GRAMD1B: variants seen among roughly 807,000 people sequenced by gnomAD.
GRAMD1B encodes GRAM domain containing 1B.
In GRAMD1B, 37 loss-of-function variants were observed where a neutral mutation model predicts 99.7. The ratio of observed to expected loss-of-function variants is 0.37; its 90% CI spans 0.29 to 0.49. The LOEUF (loss-of-function observed/expected upper bound fraction) is 0.49, where lower values mean the gene tolerates loss of function less well. Among genes scored for constraint, GRAMD1B ranks in the 20% least tolerant of loss-of-function variants. The probability of loss-of-function intolerance (pLI) is 0.98; values close to 1 mark genes in which losing one functional copy is unlikely to be tolerated. For synonymous variants in GRAMD1B, 427 were observed against 387.6 expected (o/e 1.10, Z -1.19); for missense variants, 888 against 1,009.2 (o/e 0.88, Z 1.63).
At chr11:123,580,690 T>C (rs530900967) in intron 3 of GRAMD1B, among the ~76,000 whole-genome samples, 8 of 152,264 alleles carry the variant, frequency 5.3e-5, no homozygotes, top group South Asian at 2.1e-4. Context: ...TCCCTCCCAA[T>C]GAGTTTGTGC....
chr11:123,468,365 T>C (rs1950810773), intron 1 of GRAMD1B, among the ~76,000 whole-genome samples: 4 of 152,206 alleles, frequency 2.6e-5, no homozygotes, highest in Admixed American at 2.6e-4. Context: ...ACACCTAATA[T>C]GTGCTAGGCA....
chr11:123,566,897 C>T (rs957382974), intron 2 of GRAMD1B, among the ~76,000 whole-genome samples: 1 of 152,190 alleles, frequency 6.6e-6, no homozygotes, highest in Non-Finnish European at 1.5e-5. Flanking sequence ...GCCCCAGCCC[C>T]CATGGAGTGC....
At chr11:123,588,681 G>A (rs1305283691) in intron 4 of GRAMD1B, among the ~76,000 whole-genome samples, 1 of 152,196 alleles carries the variant, frequency 6.6e-6, no homozygotes, top group African/African-American at 2.4e-5. Flanking sequence ...CGTGTGCTGG[G>A]GAGAGTGTTG....
At chr11:123,569,128 CT>C (rs34056460) in intron 2 of GRAMD1B, among the ~76,000 whole-genome samples, 146,366 of 152,198 alleles carry the variant, frequency 0.96, 70,437 homozygotes, top group East Asian at 1. Context: ...CTCTCTGGAC[CT>C]TTTTATATTC....
At chr11:123,393,407 C>G (rs76448531) in intron 1 of GRAMD1B, among the ~76,000 whole-genome samples, 2,000 of 152,270 alleles carry the variant, frequency 0.013, 17 homozygotes, top group Non-Finnish European at 0.021. Context: ...TTGGGAGAAG[C>G]CTGACAGGGT....
At chr11:123,568,084 A>C (rs1398480679) in intron 2 of GRAMD1B, among the ~76,000 whole-genome samples, 2 of 152,026 alleles carry the variant, frequency 1.3e-5, no homozygotes, top group East Asian at 3.9e-4. Context: ...CCCATCTTTA[A>C]ATTTCTTTGT....
intron 2 of GRAMD1B, among the ~76,000 whole-genome samples, chr11:123,536,435 A>G (rs1488919337): frequency 6.6e-6 from 1 of 152,198 alleles, no homozygotes; most frequent in African/African-American, 2.4e-5. Context: ...TAAATAAATG[A>G]AAAATAAAAT....
intron 2 of GRAMD1B, among the ~76,000 whole-genome samples, chr11:123,544,295 A>G (rs923754451): frequency 1.3e-4 from 20 of 152,296 alleles, no homozygotes; most frequent in African/African-American, 4.6e-4. Flanking sequence ...GAAGTTAGGA[A>G]AGGTACCCAA....
rs1242238828 is a variant in GRAMD1B, at chr11:123,622,863, C to T, written c.*268C>T. On this transcript the variant is annotated 3_prime_UTR_variant, in exon 20 of 20. Coordinates refer to ENST00000635736, the MANE Select transcript of GRAMD1B (RefSeq NM_001387025.1). ...CCGACCTCCCCTGATCTCCCTCCTC[C>T]CACCCTCTGTTCCCCACCCCTTCCC... 1 of 158,094 alleles carries T rather than the reference C, an allele frequency of 6.3e-6. No homozygotes were observed. The allele number at this position is 158,094 out of a possible 1,614,324, so 9.8% of individuals were successfully genotyped here. A position where few individuals can be genotyped will look rare whatever the true frequency, so the allele number is the denominator to read the frequency against.
intron 2 of GRAMD1B, among the ~76,000 whole-genome samples, chr11:123,548,291 A>AT (rs1945216068): frequency 1.3e-5 from 1 of 75,154 alleles, no homozygotes; most frequent in African/African-American, 5.4e-5. Flanking sequence ...GCTGTGCCAA[A>AT]ATATATATAT....
At chr11:123,419,171 G>C (rs529089021) in intron 1 of GRAMD1B, among the ~76,000 whole-genome samples, 59 of 152,318 alleles carry the variant, frequency 3.9e-4, no homozygotes, top group South Asian at 8.3e-4. Context: ...AGCAGACAGA[G>C]ACTTGCTACA....
Position 123,620,472 on chromosome 11 carries a change from CAAAAAAAA to C in GRAMD1B, c.2544+1265_2544+1272del, listed in dbSNP as rs55787871. 1.4e-4 allele frequency among the ~76,000 whole-genome samples: 10 copies of C among 69,242 alleles called. No homozygotes were observed. In the East Asian group the frequency reaches 1.8e-3, roughly 13 times the overall value. The allele number at this position is 69,242 out of a possible 152,430, so 45.4% of individuals were successfully genotyped here. A position where few individuals can be genotyped will look rare whatever the true frequency, so the allele number is the denominator to read the frequency against. On this transcript the variant is annotated intron_variant, in intron 19 of 19. Coordinates refer to ENST00000635736, the MANE Select transcript of GRAMD1B (RefSeq NM_001387025.1). ...CTGGCAACAGAGTGAGACTTCATCT[CAAAAAAAA>C]AAAAAAAAAAAAAAAAGGGAAAAGA...
chr11:123,469,128 G>T (rs1199263274), intron 1 of GRAMD1B, among the ~76,000 whole-genome samples: 1 of 152,022 alleles, frequency 6.6e-6, no homozygotes, highest in Non-Finnish European at 1.5e-5. Flanking sequence ...GCAGAGGCAA[G>T]TAGAAGGGCT....
intron 1 of GRAMD1B, chr11:123,458,261 ACT>A (rs1199624877): frequency 6.6e-6 from 1 of 152,164 alleles, no homozygotes; most frequent in Non-Finnish European, 1.5e-5. Flanking sequence ...TGATGTTGTA[ACT>A]CTCGGTTTGA....
intron 2 of GRAMD1B, among the ~76,000 whole-genome samples, chr11:123,518,553 G>A (rs1263539414): frequency 6.6e-6 from 1 of 152,098 alleles, no homozygotes. Context: ...TCTCAGATAC[G>A]GTGTTTTTAC....
At chr11:123,374,996 A>G (rs1488579486) in intron 1 of GRAMD1B, among the ~76,000 whole-genome samples, 3 of 152,186 alleles carry the variant, frequency 2.0e-5, no homozygotes, top group Admixed American at 2.0e-4. Flanking sequence ...GTCACTAACA[A>G]TCTTTTACTT....
chr11:123,512,913 G>A (rs1021389707), intron 2 of GRAMD1B, among the ~76,000 whole-genome samples: 8 of 151,820 alleles, frequency 5.3e-5, no homozygotes, highest in African/African-American at 1.9e-4. Flanking sequence ...AGCTCCCCAG[G>A]AGGCTTATTA....
chr11:123,475,538 C>T (rs1264054017), intron 1 of GRAMD1B, among the ~76,000 whole-genome samples: 2 of 152,206 alleles, frequency 1.3e-5, no homozygotes, highest in Admixed American at 1.3e-4. Flanking sequence ...TTAAAGTCAT[C>T]CTAGTTCCAT....
At position 123,600,538 on chromosome 11, in the gene GRAMD1B, T is replaced by C; in HGVS notation, c.1040T>C (p.Leu347Pro). The change falls in exon 8 of 20, where the codon CTC (leucine) becomes CCC (proline). Residue 347 changes from leucine (L) to proline (P), a missense_variant. This residue lies in a region of GRAMD1B where 269 missense variants were observed against 296.6 expected (regional missense o/e 0.91). Coordinates refer to ENST00000635736, the MANE Select transcript of GRAMD1B (RefSeq NM_001387025.1). ...MMMFRLWQNA[L>P]LEKPLCPKEL... is the part of the protein sequence containing the mutation. The stretch of plus-strand genomic sequence containing the variant: ...ATGTTCCGGCTCTGGCAGAATGCTC[T>C]CCTTGAAAAGGTAAGTACGGCCGAG... 6.2e-7 allele frequency: 1 copy of C among 1,611,294 alleles called. No individual in the cohort carries two copies. The highest frequency in any genetic ancestry group is 8.5e-7 in the Non-Finnish European group (1 of 1,177,576).
Sources: allele counts gnomAD v4.1 joint callset (sites outside exome capture counted in the v4.1 genomes callset), GRCh38; gene constraint gnomAD v4.1.1; regional missense constraint gnomAD v4.1.1; transcripts MANE v1.5; gene names NCBI Gene and HGNC (gene_info 2026-07-23, HGNC 2026-07-21).